SORCS2: variants seen among roughly 807,000 people sequenced by gnomAD.
SORCS2 encodes the protein VPS10 domain-containing receptor SorCS2.
SORCS2 carries 100 observed loss-of-function variants against 141.6 expected under a neutral mutation model. The observed-to-expected ratio is 0.71, with a 90% CI of 0.60 to 0.83. SORCS2 has a LOEUF of 0.83. Among genes scored for constraint, SORCS2 ranks in the 40% least tolerant of loss-of-function variants. The probability of loss-of-function intolerance (pLI) is 0.00; values close to 1 mark genes in which losing one functional copy is unlikely to be tolerated. For synonymous variants in SORCS2, 789 were observed against 676.9 expected (o/e 1.17, Z -2.57); for missense variants, 1,646 against 1,560.2 (o/e 1.05, Z -0.93).
chr4:7,474,612 A>G (rs1302332258), intron 2 of SORCS2, among the ~76,000 whole-genome samples: 1 of 152,174 alleles, frequency 6.6e-6, no homozygotes, highest in Admixed American at 6.5e-5. Flanking sequence ...TCGGAAGCCC[A>G]GTCCACAGTG....
chr4:7,276,455 A>G (rs1715508619), intron 1 of SORCS2, among the ~76,000 whole-genome samples: 1 of 152,044 alleles, frequency 6.6e-6, no homozygotes, highest in South Asian at 2.1e-4. Context: ...TGTTCTGTTC[A>G]GCCCCCAAAC....
Position 7,529,647 on chromosome 4 carries a change from G to A in SORCS2, c.549-1883G>A, listed in dbSNP as rs531872223. ...TCTTGGAGATGGCTCAGCAGGGTGG[G>A]GAAGGAAGGGGAGGCTTCCCCTGTG... On this transcript the variant is annotated intron_variant, in intron 2 of 26. Transcript: ENST00000507866. Among the ~76,000 whole-genome samples, 36 of 152,324 alleles carry A rather than the reference G, an allele frequency of 2.4e-4. 1 individual carries two copies. Among genetic ancestry groups the A allele is most frequent in the African/African-American group, 6.0e-4 (25 of 41,576 alleles).
intron 1 of SORCS2, among the ~76,000 whole-genome samples, chr4:7,214,617 A>G (rs894525432): frequency 1.1e-4 from 16 of 152,198 alleles, no homozygotes; most frequent in African/African-American, 3.9e-4. Flanking sequence ...CCTGGGATAG[A>G]CTCACAGGAT....
intron 2 of SORCS2, among the ~76,000 whole-genome samples, chr4:7,436,405 C>A (rs1002465703): frequency 6.6e-6 from 1 of 152,254 alleles, no homozygotes; most frequent in African/African-American, 2.4e-5. Flanking sequence ...CTGAAGCAAA[C>A]AGAAGGGCCT....
At chr4:7,373,107 G>A (rs61377484) in intron 1 of SORCS2, among the ~76,000 whole-genome samples, 27,249 of 150,728 alleles carry the variant, frequency 0.18, 2,889 homozygotes, top group African/African-American at 0.29. Flanking sequence ...ATACGTAGCC[G>A]TGACATGGCT....
At chr4:7,549,967 C>T (rs1713557354) in intron 3 of SORCS2, among the ~76,000 whole-genome samples, 1 of 152,284 alleles carries the variant, frequency 6.6e-6, no homozygotes, top group South Asian at 2.1e-4. Flanking sequence ...CTCATATTTG[C>T]TCCCGAGGAC....
At chr4:7,499,268 G>A (rs914442252) in intron 2 of SORCS2, among the ~76,000 whole-genome samples, 5 of 152,180 alleles carry the variant, frequency 3.3e-5, no homozygotes, top group South Asian at 2.1e-4. Flanking sequence ...GGGGCAGGTC[G>A]GGGGACAGTG....
chr4:7,560,949 C>G (rs999994159), intron 3 of SORCS2, among the ~76,000 whole-genome samples: 2 of 152,122 alleles, frequency 1.3e-5, no homozygotes, highest in African/African-American at 2.4e-5. Flanking sequence ...ACACTCTTGT[C>G]CATGGCTGCA....
chr4:7,539,433 T>G (rs770611451), intron 3 of SORCS2, among the ~76,000 whole-genome samples: 2 of 152,198 alleles, frequency 1.3e-5, no homozygotes, highest in Non-Finnish European at 2.9e-5. Flanking sequence ...TCCTGTGGAC[T>G]CTGTGTGCTT....
At chr4:7,534,457 C>T (rs1312749931) in intron 3 of SORCS2, among the ~76,000 whole-genome samples, 1 of 152,202 alleles carries the variant, frequency 6.6e-6, no homozygotes, top group African/African-American at 2.4e-5. Flanking sequence ...GAAGAGAAGC[C>T]CCCAAAGATG....
Position 7,664,519 on chromosome 4 carries a change from C to T in SORCS2, c.1071+48C>T, listed in dbSNP as rs773537333. The T allele has an allele frequency of 1.2e-5, 17 of 1,391,724 alleles. No individual in the cohort carries two copies. In the Admixed American group the frequency reaches 1.5e-4, roughly 12 times the overall value. 86.2% of individuals were successfully genotyped at this position (1,391,724 alleles called of 1,614,324 possible). ...TGGAAATTGGCAACAGGTGACGTGGCGGATGACCCGTTCGCGGCAAAAATG... is the reference window on the plus strand; with the variant it reads ...TGGAAATTGGCAACAGGTGACGTGGTGGATGACCCGTTCGCGGCAAAAATG... On this transcript the variant is annotated intron_variant, in intron 7 of 26. Transcript: ENST00000507866. The surrounding 1 kb of genome is among the most constrained non-coding windows in gnomAD (Gnocchi z 4.7).
At position 7,477,548 on chromosome 4, in the gene SORCS2, G is replaced by A. The variant is rs147862718; in HGVS notation, c.549-53982G>A. Among the ~76,000 whole-genome samples the A allele has an allele frequency of 3.1e-3, 470 of 152,182 alleles. 2 individuals carry two copies. Among genetic ancestry groups the A allele is most frequent in the Middle Eastern group, 0.017 (5 of 294 alleles). Reference sequence around the variant, plus strand: ...CTCTTCAAGCCTGCACATGCTCAAAGTTGGATTGGCTAAGAGCTCTGCAAA... The same window carrying A: ...CTCTTCAAGCCTGCACATGCTCAAAATTGGATTGGCTAAGAGCTCTGCAAA... On this transcript the variant is annotated intron_variant, in intron 2 of 26. Transcript: ENST00000507866.
chr4:7,256,070 T>C (rs1713853484), intron 1 of SORCS2, among the ~76,000 whole-genome samples: 1 of 152,130 alleles, frequency 6.6e-6, no homozygotes, highest in East Asian at 1.9e-4. Flanking sequence ...TCGTGCTGTC[T>C]CTCCAGGTCT....
chr4:7,388,017 GAT>G (rs371079200), intron 1 of SORCS2, among the ~76,000 whole-genome samples: 5,338 of 106,176 alleles, frequency 0.05, 318 homozygotes, highest in African/African-American at 0.17. Flanking sequence ...CATGCATACA[GAT>G]ACACAGATAC....
chr4:7,515,392 G>T (rs1732908543), intron 2 of SORCS2, among the ~76,000 whole-genome samples: 2 of 152,220 alleles, frequency 1.3e-5, no homozygotes, highest in Non-Finnish European at 2.9e-5. Context: ...ACCTGCTGGG[G>T]CTGGGCAGGG....
intron 1 of SORCS2, among the ~76,000 whole-genome samples, chr4:7,262,045 AGTGT>A (rs1163907076): frequency 6.6e-6 from 1 of 152,214 alleles, no homozygotes; most frequent in Non-Finnish European, 1.5e-5. Flanking sequence ...TGGGTGTGGA[AGTGT>A]GTGTGATGAA....
At chr4:7,474,221 G>T (rs2109352992) in intron 2 of SORCS2, among the ~76,000 whole-genome samples, 1 of 152,348 alleles carries the variant, frequency 6.6e-6, no homozygotes. Context: ...ATGAATGTGG[G>T]AAGGGCCAGA....
chr4:7,437,274 A>C (rs970712925), intron 2 of SORCS2, among the ~76,000 whole-genome samples: 1 of 152,184 alleles, frequency 6.6e-6, no homozygotes, highest in Non-Finnish European at 1.5e-5. Context: ...AGGACTCAGG[A>C]GACCGTTTGC....
At chr4:7,309,772 G>A (rs972931770) in intron 1 of SORCS2, among the ~76,000 whole-genome samples, 1 of 152,194 alleles carries the variant, frequency 6.6e-6, no homozygotes, top group African/African-American at 2.4e-5. Context: ...CCCTTGTGTA[G>A]CTGTGTCCAG....
Sources: gnomAD v4.1 joint callset for allele counts (sites outside exome capture counted in the v4.1 genomes callset) on GRCh38, gnomAD v4.1.1 for gene constraint, Gnocchi (gnomAD v3.1) non-coding constraint, MANE v1.5 for transcripts, NCBI Gene and HGNC (gene_info 2026-07-23, HGNC 2026-07-21) for gene names.